KCNMA1: variants seen among roughly 807,000 people sequenced by gnomAD.
KCNMA1 encodes potassium calcium-activated channel subfamily M alpha 1.
In KCNMA1, 29 loss-of-function variants were observed where a neutral mutation model predicts 140.0. That is an observed-to-expected ratio of 0.21 (90% confidence interval 0.15 to 0.28). The LOEUF (loss-of-function observed/expected upper bound fraction) is 0.28. Ranked by LOEUF, KCNMA1 falls within the 10% of genes least tolerant of loss-of-function variation. KCNMA1 has a pLI of 1.00. For synonymous variants in KCNMA1, 612 were observed against 611.9 expected (o/e 1.00, Z 0.00); for missense variants, 880 against 1,602.2 (o/e 0.55, Z 7.70).
At chr10:77,240,250 T>A (rs2056925575) in intron 3 of KCNMA1, among the ~76,000 whole-genome samples, 1 of 152,220 alleles carries the variant, frequency 6.6e-6, no homozygotes, top group South Asian at 2.1e-4. Flanking sequence ...CAACGTTATT[T>A]TCAGAGATGA....
At chr10:76,991,371 T>C (rs1194334817) in intron 19 of KCNMA1, among the ~76,000 whole-genome samples, 1 of 152,226 alleles carries the variant, frequency 6.6e-6, no homozygotes, top group East Asian at 1.9e-4. Context: ...AGATCTTCTT[T>C]CCCATAATTT....
intron 20 of KCNMA1, among the ~76,000 whole-genome samples, chr10:76,966,950 C>T (rs1394150862): frequency 6.6e-6 from 1 of 152,150 alleles, no homozygotes; most frequent in Admixed American, 6.5e-5. Flanking sequence ...GGCTGTTCAC[C>T]TAATGATCGT....
chr10:77,589,651 C>T (rs530135811), intron 1 of KCNMA1, among the ~76,000 whole-genome samples: 30 of 151,968 alleles, frequency 2.0e-4, no homozygotes, highest in Non-Finnish European at 2.9e-4. Flanking sequence ...CTTAAGGTGG[C>T]GCGTCTGGAG....
intron 10 of KCNMA1, among the ~76,000 whole-genome samples, chr10:77,087,967 ATTTAT>A (rs1036741402): frequency 4.5e-4 from 68 of 151,648 alleles, no homozygotes; most frequent in African/African-American, 1.5e-3. Flanking sequence ...AATAATATTT[ATTTAT>A]TTTATTTTAT....
At chr10:77,415,938 T>C (rs891213583) in intron 1 of KCNMA1, among the ~76,000 whole-genome samples, 3 of 152,258 alleles carry the variant, frequency 2.0e-5, no homozygotes, top group African/African-American at 7.2e-5. Flanking sequence ...ACATGTCCTT[T>C]TAATGAAATG....
intron 1 of KCNMA1, among the ~76,000 whole-genome samples, chr10:77,451,888 C>T (rs999120096): frequency 6.6e-6 from 1 of 152,146 alleles, no homozygotes; most frequent in Non-Finnish European, 1.5e-5. Flanking sequence ...ATGTATAAGA[C>T]TTTCACCACA....
chr10:76,869,830 T>C (rs1481269805), exon 28 of KCNMA1: 1 of 152,490 alleles, frequency 6.6e-6, no homozygotes, highest in Non-Finnish European at 1.5e-5. Flanking sequence ...AATCAAAAGA[T>C]TGAAAGATGA....
chr10:76,977,934 G>A (rs1275852842), intron 19 of KCNMA1: 9 of 394,244 alleles, frequency 2.3e-5, no homozygotes, highest in East Asian at 1.8e-4. Context: ...TCCACCCTGC[G>A]AGAGCCCCGT....
chr10:77,538,444 C>T (rs190730489), intron 1 of KCNMA1, among the ~76,000 whole-genome samples: 17 of 152,322 alleles, frequency 1.1e-4, no homozygotes, highest in Admixed American at 7.2e-4. Flanking sequence ...GTCTGGGTCT[C>T]TTCCAACTCT....
At chr10:77,549,747 A>G (rs1481279689) in intron 1 of KCNMA1, among the ~76,000 whole-genome samples, 1 of 152,228 alleles carries the variant, frequency 6.6e-6, no homozygotes, top group African/African-American at 2.4e-5. Flanking sequence ...AACATAGACA[A>G]TTAGCGAAAG....
intron 1 of KCNMA1, among the ~76,000 whole-genome samples, chr10:77,633,574 C>A (rs2619617): frequency 0.58 from 88,205 of 151,784 alleles, 26,733 homozygotes; most frequent in African/African-American, 0.72. Flanking sequence ...CCCTGATTGA[C>A]TGCGTCAGGC....
chr10:77,518,415 G>A (rs1411562936), intron 1 of KCNMA1, among the ~76,000 whole-genome samples: 1 of 152,130 alleles, frequency 6.6e-6, no homozygotes, highest in Non-Finnish European at 1.5e-5. Flanking sequence ...TTGTTCCTTT[G>A]GGTTAAGCAA....
intron 1 of KCNMA1, among the ~76,000 whole-genome samples, chr10:77,430,637 C>G (rs1053568846): frequency 3.3e-5 from 5 of 152,190 alleles, no homozygotes; most frequent in African/African-American, 9.7e-5. Context: ...ACAGACAAAG[C>G]AGGCACTTTT....
intron 1 of KCNMA1, among the ~76,000 whole-genome samples, chr10:77,514,576 A>T (rs923985388): frequency 1.3e-5 from 2 of 152,210 alleles, no homozygotes; most frequent in Non-Finnish European, 2.9e-5. Context: ...AAATGGCCAC[A>T]TGTGACTCCC....
chr10:77,377,020 T>C (rs1673228346), intron 2 of KCNMA1, among the ~76,000 whole-genome samples: 1 of 150,142 alleles, frequency 6.7e-6, no homozygotes, highest in Non-Finnish European at 1.5e-5. Context: ...AAATGAGGAG[T>C]GGGAACACTT....
At chr10:77,227,565 G>A (rs2051934684) in intron 3 of KCNMA1, among the ~76,000 whole-genome samples, 1 of 152,136 alleles carries the variant, frequency 6.6e-6, no homozygotes, top group Non-Finnish European at 1.5e-5. Context: ...AAATCACCAG[G>A]TTTAGCACAT....
intron 18 of KCNMA1, among the ~76,000 whole-genome samples, chr10:77,008,850 G>A (rs2089966503): frequency 6.6e-6 from 1 of 152,242 alleles, no homozygotes; most frequent in Non-Finnish European, 1.5e-5. Context: ...TCGAAGGCAT[G>A]GGGGTCCCCC....
intron 1 of KCNMA1, among the ~76,000 whole-genome samples, chr10:77,621,825 T>A (rs1440167572): frequency 6.6e-6 from 1 of 152,028 alleles, no homozygotes; most frequent in South Asian, 2.1e-4. Context: ...TGCCTGCAAG[T>A]CCCAGCTACT....
chr10:77,532,384 G>A (rs2057870000), intron 1 of KCNMA1, among the ~76,000 whole-genome samples: 1 of 152,240 alleles, frequency 6.6e-6, no homozygotes, highest in African/African-American at 2.4e-5. Context: ...TTCTGACCAA[G>A]CCAGGAAGGG....
Sources: allele counts gnomAD v4.1 joint callset (sites outside exome capture counted in the v4.1 genomes callset), GRCh38; gene constraint gnomAD v4.1.1; transcripts MANE v1.5; gene names NCBI Gene and HGNC (gene_info 2026-07-23, HGNC 2026-07-21).